Variants in UBE2K observed in about 807,000 individuals in gnomAD.
UBE2K encodes ubiquitin-conjugating enzyme E2 K.
UBE2K carries 6 observed loss-of-function variants against 30.0 expected under a neutral mutation model. The ratio of observed to expected loss-of-function variants is 0.20; its 90% CI spans 0.11 to 0.39. UBE2K has a LOEUF of 0.39. Ranked by LOEUF, UBE2K falls within the 10% of genes least tolerant of loss-of-function variation. UBE2K has a pLI of 1.00. For missense variants in UBE2K, 61 were observed against 241.6 expected (o/e 0.25, Z 4.96); for synonymous variants, 86 against 83.7 (o/e 1.03, Z -0.15).
chr4:39,715,272 C>T (rs2109318764), intron 1 of UBE2K, among the ~76,000 whole-genome samples: 1 of 151,774 alleles, frequency 6.6e-6, no homozygotes, highest in Non-Finnish European at 1.5e-5. Context: ...TCGTGATCCA[C>T]CTGCCTCGGC....
intron 2 of UBE2K, among the ~76,000 whole-genome samples, chr4:39,739,930 A>T (rs1415041049): frequency 6.6e-6 from 1 of 152,132 alleles, no homozygotes; most frequent in Non-Finnish European, 1.5e-5. Context: ...TTTTTGTTTT[A>T]TAGTTCATAC....
intron 1 of UBE2K, among the ~76,000 whole-genome samples, chr4:39,711,671 G>C (rs927612182): frequency 6.6e-6 from 1 of 151,890 alleles, no homozygotes; most frequent in South Asian, 2.1e-4. Context: ...AGACCTGAGC[G>C]TATTTTCAGC....
intron 1 of UBE2K, among the ~76,000 whole-genome samples, chr4:39,714,661 C>T (rs12643916): frequency 0.1 from 15,148 of 148,120 alleles, 1,042 homozygotes; most frequent in East Asian, 0.21. Flanking sequence ...ATTCTCCTGC[C>T]TCAGCCTCCC....
At chr4:39,770,517 C>A in intron 4 of UBE2K, 1 of 1,603,618 alleles carries the variant, frequency 6.2e-7, no homozygotes, top group Non-Finnish European at 8.5e-7. Context: ...TCCCTGGCTG[C>A]CCCCCGCCCC....
At chr4:39,720,074 G>A (rs1015739340) in intron 1 of UBE2K, among the ~76,000 whole-genome samples, 2 of 152,212 alleles carry the variant, frequency 1.3e-5, no homozygotes, top group Admixed American at 6.5e-5. Context: ...TGCCTGCTAA[G>A]CAGGAGATAC....
chr4:39,735,073 G>A (rs1720303373), intron 1 of UBE2K, among the ~76,000 whole-genome samples: 1 of 152,208 alleles, frequency 6.6e-6, no homozygotes, highest in Non-Finnish European at 1.5e-5. Flanking sequence ...TTAGCAAGAT[G>A]ATTATTCCTG....
At chr4:39,742,998 A>AT (rs1453753219) in intron 2 of UBE2K, among the ~76,000 whole-genome samples, 5 of 151,330 alleles carry the variant, frequency 3.3e-5, no homozygotes, top group Admixed American at 1.3e-4. Flanking sequence ...GTGAGCCAAG[A>AT]TTGTGCCTCT....
chr4:39,718,713 C>A (rs1248738296), intron 1 of UBE2K, among the ~76,000 whole-genome samples: 1 of 152,238 alleles, frequency 6.6e-6, no homozygotes, highest in Non-Finnish European at 1.5e-5. Context: ...TGCTGGGGGA[C>A]CCGGCCGCAT....
intron 1 of UBE2K, among the ~76,000 whole-genome samples, chr4:39,723,210 A>AT (rs150197220): frequency 8.4e-4 from 117 of 140,030 alleles, no homozygotes; most frequent in East Asian, 4.5e-3. Flanking sequence ...CACCTAGATA[A>AT]TTTTTTTTTT....
At chr4:39,746,235 T>C (rs749316459) in intron 3 of UBE2K, among the ~76,000 whole-genome samples, 7 of 152,296 alleles carry the variant, frequency 4.6e-5, no homozygotes, top group African/African-American at 9.6e-5. Flanking sequence ...CTAAGACTTA[T>C]ACTGTTCCTG....
intron 1 of UBE2K, among the ~76,000 whole-genome samples, chr4:39,733,647 A>G (rs1228854628): frequency 2.0e-5 from 3 of 152,070 alleles, no homozygotes; most frequent in African/African-American, 7.2e-5. Flanking sequence ...TAAAGGTTTT[A>G]TAGTTAATGT....
chr4:39,763,957 C>T (rs1712142603), intron 4 of UBE2K, among the ~76,000 whole-genome samples: 1 of 152,024 alleles, frequency 6.6e-6, no homozygotes, highest in Admixed American at 6.6e-5. Flanking sequence ...GTCTTAAACT[C>T]CTGGGCTCAA....
chr4:39,739,491 CGCTG>C (rs1720561072), intron 2 of UBE2K, among the ~76,000 whole-genome samples: 1 of 129,324 alleles, frequency 7.7e-6, no homozygotes, highest in African/African-American at 3.1e-5. Context: ...CTGTCTCTCA[CGCTG>C]GAGTGCAGTG....
intron 1 of UBE2K, among the ~76,000 whole-genome samples, chr4:39,711,019 A>G (rs1272360623): frequency 6.6e-6 from 1 of 151,198 alleles, no homozygotes; most frequent in Non-Finnish European, 1.5e-5. Context: ...GTTAGTGTAT[A>G]TCCTTCCCCT....
At chr4:39,748,002 A>G (rs974355052) in intron 3 of UBE2K, among the ~76,000 whole-genome samples, 1 of 152,004 alleles carries the variant, frequency 6.6e-6, no homozygotes, top group South Asian at 2.1e-4. Flanking sequence ...GCATTTCACC[A>G]TGTTGGCCAG....
At chr4:39,733,907 CT>C (rs934603248) in intron 1 of UBE2K, among the ~76,000 whole-genome samples, 6 of 152,004 alleles carry the variant, frequency 3.9e-5, no homozygotes, top group Non-Finnish European at 8.8e-5. Flanking sequence ...TAAAGTAAGA[CT>C]TTAAGTTCGC....
intron 4 of UBE2K, among the ~76,000 whole-genome samples, chr4:39,767,279 T>G (rs568032751): frequency 3.3e-4 from 50 of 150,742 alleles, no homozygotes; most frequent in Non-Finnish European, 6.2e-4. Context: ...TTTGAGAGAT[T>G]ATCAGTTTTC....
intron 4 of UBE2K, among the ~76,000 whole-genome samples, chr4:39,769,396 C>T (rs552685489): frequency 2.1e-5 from 3 of 142,044 alleles, no homozygotes; most frequent in Non-Finnish European, 4.6e-5. Flanking sequence ...AAGTGCCTTA[C>T]CCCCCCACCC....
At chr4:39,763,251 C>CTT (rs35240266) in intron 4 of UBE2K, among the ~76,000 whole-genome samples, 19 of 145,980 alleles carry the variant, frequency 1.3e-4, no homozygotes, top group Non-Finnish European at 1.5e-4. Flanking sequence ...CCTTAAAACA[C>CTT]TTTTTTTTTT....
Sources: allele counts gnomAD v4.1 joint callset (sites outside exome capture counted in the v4.1 genomes callset), GRCh38; gene constraint gnomAD v4.1.1; transcripts MANE v1.5; gene names NCBI Gene and HGNC (gene_info 2026-07-23, HGNC 2026-07-21).